The following WTAP variants were observed in gnomAD, a reference collection of about 807,000 sequenced individuals.
The protein encoded by WTAP is WT1 associated protein.
Under a neutral mutation model 50.0 loss-of-function variants are expected in WTAP, and 8 were observed. That is an observed-to-expected ratio of 0.16 (90% CI 0.09 to 0.29). The LOEUF (loss-of-function observed/expected upper bound fraction) is 0.29, where lower values mean the gene tolerates loss of function less well. Ranked by LOEUF, WTAP falls within the 10% of genes least tolerant of loss-of-function variation. WTAP has a pLI of 1.00. For missense variants in WTAP, 295 were observed against 470.7 expected (o/e 0.63, Z 3.45); for synonymous variants, 194 against 169.0 (o/e 1.15, Z -1.15).
At position 159,739,076 on chromosome 6, in the gene WTAP, T is replaced by C. The variant is rs527263985; in HGVS notation, c.86+31T>C. On this transcript the variant is annotated intron_variant, in intron 3 of 7. Coordinates refer to ENST00000621533, the MANE Select transcript of WTAP (RefSeq NM_001270531.2). Reference sequence around the variant, plus strand: ...ATGTTCTCTGTTCAAAAACAAAGTCTTTCTATAGAACATTATATTGTGACT... The same window carrying C: ...ATGTTCTCTGTTCAAAAACAAAGTCCTTCTATAGAACATTATATTGTGACT... The C allele has an allele frequency of 8.5e-5, 132 of 1,557,018 alleles. 2 individuals carry two copies. In the Admixed American group the frequency reaches 2.0e-3, roughly 24 times the overall value.
intron 7 of WTAP, 33 bp from the exon 8 acceptor site, chr6:159,754,995 A>G: frequency 6.4e-7 from 1 of 1,557,886 alleles, no homozygotes; most frequent in East Asian, 2.3e-5. Context: ...GTTATAAACG[A>G]TATTAAAGTT....
intron 1 of WTAP, among the ~76,000 whole-genome samples, chr6:159,734,008 TTTAC>T (rs1336865891): frequency 1.3e-5 from 2 of 152,218 alleles, no homozygotes; most frequent in African/African-American, 4.8e-5. Flanking sequence ...TTCAACACAA[TTTAC>T]TTAATCTGAA....
rs1167152164 is a variant in WTAP, at chr6:159,749,781, A to G, written c.452+1412A>G. ...AAAGGTATAGTGATCATTTCTAGCAAATTCATTTAATCATTTAGATAAATG... is the reference window on the plus strand; with the variant it reads ...AAAGGTATAGTGATCATTTCTAGCAGATTCATTTAATCATTTAGATAAATG... On this transcript the variant is annotated intron_variant, in intron 6 of 7. Transcript: ENST00000621533. 3.3e-5 allele frequency among the ~76,000 whole-genome samples: 5 copies of G among 152,298 alleles called. No homozygotes were observed. The East Asian group carries it at 9.6e-4, about 29-fold the overall frequency.
intron 6 of WTAP, among the ~76,000 whole-genome samples, chr6:159,751,947 A>G (rs1779835407): frequency 1.3e-5 from 2 of 151,798 alleles, no homozygotes; most frequent in Admixed American, 1.3e-4. Context: ...TATAGTCCCC[A>G]GGTACTCCGG....
chr6:159,743,960 C>T (rs1779411992), intron 5 of WTAP, among the ~76,000 whole-genome samples, 168 bp downstream of exon 5: 2 of 152,034 alleles, frequency 1.3e-5, no homozygotes, highest in African/African-American at 2.4e-5. Flanking sequence ...GATAATGTCT[C>T]ATTTAGACTG....
In WTAP at chr6:159,727,623, C is replaced by T; in HGVS notation, c.-89C>T. The T allele has an allele frequency of 1.0e-6, 1 of 985,678 alleles. No individual in the cohort carries two copies. Among genetic ancestry groups the T allele is most frequent in the Non-Finnish European group, 1.2e-6 (1 of 830,392 alleles). The allele number at this position is 985,678 out of a possible 1,614,324, so 61.1% of individuals were successfully genotyped here. On this transcript the variant is annotated 5_prime_UTR_variant, in exon 1 of 8. Transcript: ENST00000621533. ...AGAGCTGTCCGGCTGCGCGGTGGCC[C>T]GGGGGGCCCGGGCGGCAGGGCAAGC...
chr6:159,734,911 T>C (rs1245020869), intron 1 of WTAP, among the ~76,000 whole-genome samples: 2 of 152,184 alleles, frequency 1.3e-5, no homozygotes, highest in African/African-American at 4.8e-5. Context: ...TCTTTGTCTT[T>C]TTTTTGTGTG....
At chr6:159,753,706 A>G (rs1461555226) in intron 7 of WTAP, 92 bp downstream of exon 7, 7 of 1,443,194 alleles carry the variant, frequency 4.9e-6, no homozygotes, top group African/African-American at 1.4e-5. Flanking sequence ...TAGATTCTGT[A>G]CATTGTTAAC....
chr6:159,752,227 A>G (rs572425920), intron 6 of WTAP, among the ~76,000 whole-genome samples: 3 of 152,254 alleles, frequency 2.0e-5, no homozygotes, highest in Non-Finnish European at 4.4e-5. Flanking sequence ...AATTTAAAAA[A>G]TGTTTTAACC....
chr6:159,754,256 C>T (rs1297458427), intron 7 of WTAP, among the ~76,000 whole-genome samples: 2 of 152,144 alleles, frequency 1.3e-5, no homozygotes, highest in African/African-American at 4.8e-5. Context: ...AACTACCTAC[C>T]TTTTCAAAAT....
chr6:159,732,381 A>C (rs1441322950), intron 1 of WTAP, among the ~76,000 whole-genome samples: 1 of 152,216 alleles, frequency 6.6e-6, no homozygotes, highest in African/African-American at 2.4e-5. Context: ...AGCTGTTTTC[A>C]AACTGTCATT....
At chr6:159,746,573 A>G (rs1321993848) in intron 5 of WTAP, among the ~76,000 whole-genome samples, 2 of 152,166 alleles carry the variant, frequency 1.3e-5, no homozygotes, top group Non-Finnish European at 1.5e-5. Context: ...GTCTTTGCCA[A>G]GTACATCAGT....
intron 7 of WTAP, among the ~76,000 whole-genome samples, chr6:159,754,081 T>A (rs567465717): frequency 6.6e-6 from 1 of 152,252 alleles, no homozygotes; most frequent in South Asian, 2.1e-4. Flanking sequence ...ATAAAACTTG[T>A]CAGCCTCCAT....
At chr6:159,746,866 AGT>A (rs1233671452) in intron 5 of WTAP, among the ~76,000 whole-genome samples, 4 of 152,188 alleles carry the variant, frequency 2.6e-5, no homozygotes, top group Non-Finnish European at 5.9e-5. Context: ...CATGAATGAA[AGT>A]GTTGACTATT....
chr6:159,740,126 T>G (rs1583082241), intron 3 of WTAP, among the ~76,000 whole-genome samples: 1 of 151,792 alleles, frequency 6.6e-6, no homozygotes, highest in Non-Finnish European at 1.5e-5. Context: ...ATTACAGGCA[T>G]GGGCCACCAT....
chr6:159,738,986 A>G lies in WTAP; in HGVS notation c.31-4A>G, dbSNP rs1204978445. ...CTAAATTCATATTGTAATTCTCTTT[A>G]TAGGTTCGATTGAGTGAAACAGACT... On this transcript the variant is annotated splice_region_variant and splice_polypyrimidine_tract_variant and intron_variant, in intron 2 of 7. Coordinates refer to ENST00000621533, the MANE Select transcript of WTAP (RefSeq NM_001270531.2). 3 of 1,607,946 alleles carry G rather than the reference A, an allele frequency of 1.9e-6. No homozygotes were observed. The highest frequency in any genetic ancestry group is 2.6e-6 in the Non-Finnish European group (3 of 1,175,550).
At chr6:159,727,199 G>A (rs1337856766), upstream of WTAP, 2 of 1,236,928 alleles carry the variant, frequency 1.6e-6, no homozygotes, top group Non-Finnish European at 1.0e-6. Flanking sequence ...AGTGTTACCG[G>A]GGAGCAGCTG....
At position 159,755,760 on chromosome 6, in the gene WTAP, C is replaced by CTTTTATTTTTTTTTTTT; in HGVS notation, c.*153_*154insATTTTTTTTTTTTTTTT. Reference sequence around the variant, plus strand: ...TGTTTTTTTTCTTTGTTTTTTTTTTCTTTTCTTTTTTTTTTTTTTTTTTTT... The same window carrying CTTTTATTTTTTTTTTTT: ...TGTTTTTTTTCTTTGTTTTTTTTTTCTTTTATTTTTTTTTTTTTTTTCTTTTTTTTTTTTTTTTTTTT... On this transcript the variant is annotated 3_prime_UTR_variant, in exon 8 of 8. Coordinates refer to ENST00000621533, the MANE Select transcript of WTAP (RefSeq NM_001270531.2). 3.5e-6 allele frequency: 1 copy of CTTTTATTTTTTTTTTTT among 281,890 alleles called. No homozygotes were observed. Among genetic ancestry groups the CTTTTATTTTTTTTTTTT allele is most frequent in the African/African-American group, 5.3e-5 (1 of 18,880 alleles). 17.5% of individuals were successfully genotyped at this position (281,890 alleles called of 1,614,324 possible).
At chr6:159,732,852 C>T (rs771469866) in intron 1 of WTAP, among the ~76,000 whole-genome samples, 5 of 67,082 alleles carry the variant, frequency 7.5e-5, no homozygotes, top group Admixed American at 1.4e-4. Flanking sequence ...CTGCTTCTTT[C>T]TCTCTCTCTC....
Sources: allele counts gnomAD v4.1 joint callset (sites outside exome capture counted in the v4.1 genomes callset), GRCh38; gene constraint gnomAD v4.1.1; transcripts MANE v1.5; gene names NCBI Gene and HGNC (gene_info 2026-07-23, HGNC 2026-07-21).